PARD3: variants seen among roughly 807,000 people sequenced by gnomAD.
PARD3 encodes the protein partitioning defective 3 homolog.
Under a neutral mutation model 155.4 loss-of-function variants are expected in PARD3, and 75 were observed. The observed-to-expected ratio is 0.48, with a 90% CI of 0.40 to 0.58. The LOEUF (loss-of-function observed/expected upper bound fraction) is 0.58, where lower values mean the gene tolerates loss of function less well. PARD3 is among the 20% of genes least tolerant of loss of function. The probability of loss-of-function intolerance (pLI) is 0.00; values close to 1 mark genes in which losing one functional copy is unlikely to be tolerated. For synonymous variants in PARD3, 576 were observed against 610.5 expected (o/e 0.94, Z 0.83); for missense variants, 1,642 against 1,721.7 (o/e 0.95, Z 0.82).
At chr10:34,563,955 G>A (rs1273482965) in intron 2 of PARD3, among the ~76,000 whole-genome samples, 1 of 152,184 alleles carries the variant, frequency 6.6e-6, no homozygotes, top group East Asian at 1.9e-4. Flanking sequence ...AAATAACTAA[G>A]GTAAATCAGT....
rs1047463470 is a variant in PARD3, at chr10:34,528,420, C to T, written c.223-11261G>A. Among the ~76,000 whole-genome samples, 16 of 152,206 alleles carry T rather than the reference C, an allele frequency of 1.1e-4. 1 individual carries two copies. The highest frequency in any genetic ancestry group is 9.2e-4 in the Admixed American group (14 of 15,280). Reference sequence around the variant, plus strand: ...AGGAATTCCACTCATTCTACCACCACAAGGTTGCTAATCATGAATGAGCTC... The same window carrying T: ...AGGAATTCCACTCATTCTACCACCATAAGGTTGCTAATCATGAATGAGCTC... On this transcript the variant is annotated intron_variant, in intron 2 of 24. Transcript: ENST00000374788.
At chr10:34,227,113 T>C (rs1167195920) in intron 22 of PARD3, among the ~76,000 whole-genome samples, 1 of 152,154 alleles carries the variant, frequency 6.6e-6, no homozygotes, top group East Asian at 1.9e-4. Flanking sequence ...TTGCAAACTA[T>C]GCATCTGACA....
Position 34,119,696 on chromosome 10 carries a change from G to A in PARD3, c.3585C>T (p.Ser1195=), listed in dbSNP as rs755179845. Residue 1195 remains serine, a synonymous_variant, in exon 24 of 25, where the codon TCC becomes TCT. Transcript: ENST00000374788. ...GCTGCCGCTGCATCTGCACCTCCAC[G>A]GACACCGAGTGTCGCCCGCTCTGCG... is the stretch of plus-strand genomic sequence containing the variant. ...PATQSGRHSV[S]VEVQMQRQRQ... 1.1e-4 allele frequency: 175 copies of A among 1,612,818 alleles called. No homozygotes were observed. The highest frequency in any genetic ancestry group is 5.3e-4 in the Admixed American group (32 of 59,956).
intron 15 of PARD3, chr10:34,345,448 C>A (rs886900893): frequency 2.0e-6 from 2 of 984,532 alleles, no homozygotes; most frequent in Non-Finnish European, 2.4e-6. Flanking sequence ...TACAAAGTTC[C>A]TTTTGTATCA....
At chr10:34,700,435 G>T (rs1251374671) in intron 1 of PARD3, among the ~76,000 whole-genome samples, 1 of 152,216 alleles carries the variant, frequency 6.6e-6, no homozygotes, top group African/African-American at 2.4e-5. Flanking sequence ...CATGTATAAT[G>T]CATAGGCTCC....
intron 2 of PARD3, among the ~76,000 whole-genome samples, chr10:34,624,616 C>T (rs2091887289): frequency 6.6e-6 from 1 of 152,200 alleles, no homozygotes; most frequent in Non-Finnish European, 1.5e-5. Flanking sequence ...AGGAGGAGGA[C>T]AGGCCTTCAT....
At chr10:34,195,563 G>A (rs1564472198) in intron 22 of PARD3, among the ~76,000 whole-genome samples, 1 of 152,198 alleles carries the variant, frequency 6.6e-6, no homozygotes, top group Non-Finnish European at 1.5e-5. Flanking sequence ...GAGTGCTTAT[G>A]TATTGGACAG....
intron 3 of PARD3, among the ~76,000 whole-genome samples, chr10:34,488,122 C>G (rs6481899): frequency 6.6e-6 from 1 of 152,150 alleles, no homozygotes; most frequent in East Asian, 1.9e-4. Context: ...TCAGGATGTG[C>G]GTTTGAAGCT....
chr10:34,453,238 T>C (rs543209603), intron 4 of PARD3, among the ~76,000 whole-genome samples: 2 of 152,320 alleles, frequency 1.3e-5, no homozygotes, highest in South Asian at 4.1e-4. Flanking sequence ...TACTGAACAT[T>C]CTTCAAAGCC....
In PARD3 at chr10:34,802,170, C is replaced by T. The variant is rs528475691; in HGVS notation, c.120+12706G>A. Among the ~76,000 whole-genome samples the T allele has an allele frequency of 7.9e-5, 12 of 152,176 alleles. No homozygotes were observed. In the South Asian group the frequency reaches 2.5e-3, roughly 32 times the overall value. ...CACGGCTAAGACAGCTAGACAAACA[C>T]AATTCTCCTTGACCTGTAAAAGAAT... is the stretch of plus-strand genomic sequence containing the variant. On this transcript the variant is annotated intron_variant, in intron 1 of 24. Coordinates refer to ENST00000374788, the MANE Select transcript of PARD3 (RefSeq NM_001184785.2).
intron 22 of PARD3, among the ~76,000 whole-genome samples, chr10:34,165,438 C>T (rs1182674140): frequency 2.6e-5 from 4 of 152,278 alleles, no homozygotes; most frequent in Admixed American, 6.5e-5. Flanking sequence ...AGAGCCAGAA[C>T]CATGTGTTTA....
chr10:34,783,753 C>T (rs868370116), intron 1 of PARD3, among the ~76,000 whole-genome samples: 2 of 151,896 alleles, frequency 1.3e-5, no homozygotes, highest in Non-Finnish European at 2.9e-5. Flanking sequence ...CCCATAATCC[C>T]ATTACTCCAA....
intron 3 of PARD3, among the ~76,000 whole-genome samples, chr10:34,484,475 T>C (rs2079303642): frequency 6.6e-6 from 1 of 152,232 alleles, no homozygotes; most frequent in South Asian, 2.1e-4. Context: ...GACAGGAGTG[T>C]GCTGTTTCAT....
intron 2 of PARD3, among the ~76,000 whole-genome samples, chr10:34,517,866 T>TTTTG (rs915634877): frequency 7.2e-5 from 11 of 152,028 alleles, no homozygotes; most frequent in East Asian, 3.9e-4. Flanking sequence ...TGAGCTCAGT[T>TTTTG]TTTGTTTGTT....
intron 1 of PARD3, among the ~76,000 whole-genome samples, chr10:34,808,698 T>G (rs985274188): frequency 6.6e-6 from 1 of 152,166 alleles, no homozygotes; most frequent in Admixed American, 6.5e-5. Flanking sequence ...ATCACCAACT[T>G]GCACCCAACT....
At chr10:34,330,636 G>A (rs1033682800) in intron 19 of PARD3, among the ~76,000 whole-genome samples, 1 of 152,018 alleles carries the variant, frequency 6.6e-6, no homozygotes, top group African/African-American at 2.4e-5. Context: ...AAATTATTAA[G>A]CACTCCAAAT....
chr10:34,719,118 C>G (rs746294755), intron 1 of PARD3, among the ~76,000 whole-genome samples: 1 of 152,154 alleles, frequency 6.6e-6, no homozygotes, highest in Admixed American at 6.5e-5. Context: ...TTGAGCCAGG[C>G]ACATGTAACA....
intron 22 of PARD3, among the ~76,000 whole-genome samples, chr10:34,134,994 C>T (rs1001650536): frequency 6.6e-6 from 1 of 152,184 alleles, no homozygotes; most frequent in African/African-American, 2.4e-5. Flanking sequence ...GTGACTCATC[C>T]CTACACATCC....
At chr10:34,787,908 G>A (rs1841177553) in intron 1 of PARD3, among the ~76,000 whole-genome samples, 1 of 151,420 alleles carries the variant, frequency 6.6e-6, no homozygotes, top group Non-Finnish European at 1.5e-5. Flanking sequence ...AGCCTCCTGA[G>A]TAGCTAGGAC....
Sources: gnomAD v4.1 joint callset for allele counts (sites outside exome capture counted in the v4.1 genomes callset) on GRCh38, gnomAD v4.1.1 for gene constraint, MANE v1.5 for transcripts, NCBI Gene and HGNC (gene_info 2026-07-23, HGNC 2026-07-21) for gene names.